The following P3H2 variants were observed in gnomAD, a reference collection of about 807,000 sequenced individuals.
P3H2 encodes prolyl 3-hydroxylase 2.
In P3H2, 80 loss-of-function variants were observed where a neutral mutation model predicts 87.0. That is an observed-to-expected ratio of 0.92 (90% confidence interval 0.77 to 1.11). The LOEUF is 1.11. P3H2 is among the 50% of genes least tolerant of loss of function. The pLI, the probability that P3H2 is intolerant of heterozygous loss-of-function variation, is 0.00. For synonymous variants in P3H2, 367 were observed against 359.3 expected (o/e 1.02, Z -0.24); for missense variants, 1,001 against 923.9 (o/e 1.08, Z -1.08).
chr3:189,986,540 G>A (rs746491741), intron 6 of P3H2, among the ~76,000 whole-genome samples: 2 of 152,278 alleles, frequency 1.3e-5, no homozygotes, highest in African/African-American at 2.4e-5. Context: ...AGTGAGCCGA[G>A]ATCACGCCAC....
intron 1 of P3H2, among the ~76,000 whole-genome samples, chr3:190,005,659 T>C (rs1329863283): frequency 6.6e-6 from 1 of 152,234 alleles, no homozygotes; most frequent in African/African-American, 2.4e-5. Context: ...CGTTCTTCTG[T>C]GAAATATAAA....
rs145715776 is a variant in P3H2 at position 190,058,847 on chromosome 3, A to G, written c.480+61405T>C. Among the ~76,000 whole-genome samples, 858 of 152,308 alleles carry G rather than the reference A, an allele frequency of 5.6e-3. 12 individuals carry two copies. Among genetic ancestry groups the G allele is most frequent in the African/African-American group, 0.019 (810 of 41,566 alleles). ...ACACAAAGGAAACTCACTAAACAAA[A>G]GCCAGATTTAGTTCAGCGAGAAAAC... On this transcript the variant is annotated intron_variant, in intron 1 of 14. Transcript: ENST00000319332.
chr3:190,088,553 T>C (rs1049308456), intron 1 of P3H2, among the ~76,000 whole-genome samples: 3 of 152,222 alleles, frequency 2.0e-5, no homozygotes, highest in Non-Finnish European at 4.4e-5. Flanking sequence ...GACTCTGTTA[T>C]CATATTCTGC....
At chr3:190,041,037 T>TACACACACAC (rs1202716732) in intron 1 of P3H2, among the ~76,000 whole-genome samples, 1 of 49,340 alleles carries the variant, frequency 2.0e-5, no homozygotes, top group East Asian at 1.2e-3. Context: ...TATATATATA[T>TACACACACAC]ACACACACAC....
At chr3:189,966,135 G>GAAAGAA (rs1722990946) in intron 13 of P3H2, among the ~76,000 whole-genome samples, 158 of 72,306 alleles carry the variant, frequency 2.2e-3, no homozygotes, top group Non-Finnish European at 4.3e-3. Flanking sequence ...AAGAAAGAAA[G>GAAAGAA]AAAGAAAGAA....
chr3:190,100,525 C>T (rs1337135211), intron 1 of P3H2, among the ~76,000 whole-genome samples: 1 of 151,938 alleles, frequency 6.6e-6, no homozygotes, highest in Admixed American at 6.6e-5. Flanking sequence ...CAGAGACTTC[C>T]AAGATTACAT....
At chr3:189,959,387 C>T (rs1432050111) in intron 14 of P3H2, among the ~76,000 whole-genome samples, 20 of 144,644 alleles carry the variant, frequency 1.4e-4, no homozygotes, top group African/African-American at 3.8e-4. Flanking sequence ...GTATATCTCC[C>T]AATGCTATCC....
chr3:189,996,496 G>A (rs1194770389), intron 1 of P3H2, among the ~76,000 whole-genome samples: 1 of 152,160 alleles, frequency 6.6e-6, no homozygotes, highest in East Asian at 1.9e-4. Flanking sequence ...TGGTCAAAGA[G>A]TACAAAGTTA....
At chr3:190,046,195 C>T (rs143252158) in intron 1 of P3H2, among the ~76,000 whole-genome samples, 12 of 151,988 alleles carry the variant, frequency 7.9e-5, no homozygotes, top group Non-Finnish European at 1.5e-5. Flanking sequence ...ACTTGCCAAG[C>T]CAGCCTCCAC....
intron 13 of P3H2, chr3:189,969,185 C>T (rs189524439): frequency 1.6e-5 from 11 of 686,914 alleles, no homozygotes; most frequent in East Asian, 2.7e-5. Context: ...ACTGCTTCCT[C>T]GTGCTCCTTC....
chr3:190,104,032 T>G (rs947271649), intron 1 of P3H2, among the ~76,000 whole-genome samples: 1 of 152,136 alleles, frequency 6.6e-6, no homozygotes, highest in Non-Finnish European at 1.5e-5. Flanking sequence ...CCTCAAGTGA[T>G]CTGCCAGCCT....
chr3:190,076,181 G>GCACA (rs137859647), intron 1 of P3H2, among the ~76,000 whole-genome samples: 2 of 148,466 alleles, frequency 1.3e-5, no homozygotes, highest in African/African-American at 2.5e-5. Flanking sequence ...AAACACACAT[G>GCACA]CACACACACA....
At position 189,974,793 on chromosome 3, in the gene P3H2, T is replaced by A; in HGVS notation, c.1325-108A>T. On this transcript the variant is annotated intron_variant, in intron 8 of 14. Transcript: ENST00000319332. ...CAATTCGAGTGAGTCCATTTCTTCA[T>A]GAATATTTAGAAATGCAAAGACAAA... The A allele has an allele frequency of 2.2e-6, 3 of 1,346,932 alleles. 1 individual carries two copies. The South Asian group carries it at 3.6e-5, about 16-fold the overall frequency. 83.4% of individuals were successfully genotyped at this position (1,346,932 alleles called of 1,614,324 possible).
At chr3:190,018,376 T>C (rs1724834811) in intron 1 of P3H2, among the ~76,000 whole-genome samples, 1 of 152,086 alleles carries the variant, frequency 6.6e-6, no homozygotes, top group Non-Finnish European at 1.5e-5. Context: ...ATAAATCAGG[T>C]GTTAATAGTC....
chr3:190,058,986 A>G (rs1158029670), intron 1 of P3H2, among the ~76,000 whole-genome samples: 1 of 152,116 alleles, frequency 6.6e-6, no homozygotes, highest in East Asian at 1.9e-4. Context: ...AGCTACCAAC[A>G]TTGTACATTC....
At position 190,058,200 on chromosome 3, in the gene P3H2, A is replaced by G. The variant is rs142228942; in HGVS notation, c.480+62052T>C. Among the ~76,000 whole-genome samples the G allele has an allele frequency of 2.4e-4, 37 of 152,284 alleles. 1 individual carries two copies. The highest frequency in any genetic ancestry group is 8.4e-4 in the African/African-American group (35 of 41,566). On this transcript the variant is annotated intron_variant, in intron 1 of 14. Transcript: ENST00000319332. Reference sequence around the variant, plus strand: ...AAGGGGCCAGCAAAATGCCTTGTACATAGATTTTAGTCCCTATCTGTCAAC... The same window carrying G: ...AAGGGGCCAGCAAAATGCCTTGTACGTAGATTTTAGTCCCTATCTGTCAAC...
At chr3:189,995,578 A>G (rs1724031377) in intron 1 of P3H2, 136 bp from the exon 2 acceptor site, 7 of 868,816 alleles carry the variant, frequency 8.1e-6, no homozygotes, top group Non-Finnish European at 1.2e-5. Flanking sequence ...TTTATCAGAC[A>G]GGCAATAAAA....
chr3:190,013,036 T>C (rs1334669842), intron 1 of P3H2, among the ~76,000 whole-genome samples: 3 of 152,212 alleles, frequency 2.0e-5, no homozygotes, highest in Non-Finnish European at 4.4e-5. Flanking sequence ...AGAAAAGCTG[T>C]TCATATGGTT....
intron 1 of P3H2, among the ~76,000 whole-genome samples, chr3:190,057,333 G>A (rs1028984829): frequency 2.0e-5 from 3 of 152,142 alleles, no homozygotes; most frequent in African/African-American, 4.8e-5. Context: ...GTATGGACAC[G>A]AAAGTCTGAG....
Sources: gnomAD v4.1 joint callset for allele counts (sites outside exome capture counted in the v4.1 genomes callset) on GRCh38, gnomAD v4.1.1 for gene constraint, MANE v1.5 for transcripts, NCBI Gene and HGNC (gene_info 2026-07-23, HGNC 2026-07-21) for gene names.